Variants in PIGK observed in about 807,000 individuals in gnomAD.
PIGK encodes GPI-anchor transamidase.
Under a neutral mutation model 50.6 loss-of-function variants are expected in PIGK, and 42 were observed. The ratio of observed to expected loss-of-function variants is 0.83; its 90% CI spans 0.65 to 1.07. The LOEUF (loss-of-function observed/expected upper bound fraction) is 1.07, where lower values mean the gene tolerates loss of function less well. PIGK is among the 50% of genes least tolerant of loss of function. The probability of loss-of-function intolerance (pLI) is 0.00; values close to 1 mark genes in which losing one functional copy is unlikely to be tolerated. For synonymous variants in PIGK, 151 were observed against 156.0 expected, an observed-to-expected ratio of 0.97 and a Z score of 0.24; for missense variants, 448 against 488.7, an observed-to-expected ratio of 0.92 and a Z score of 0.78.
At position 77,169,442 on chromosome 1, in the gene PIGK, A is replaced by C. The variant is rs751914983; in HGVS notation, c.240-47T>G. The stretch of plus-strand genomic sequence containing the variant: ...AATATATAATTTAGATAAAAGGAAA[A>C]AGTTAAACACAAATTTATTTATATC... On this transcript the variant is annotated intron_variant, in intron 3 of 10. Coordinates refer to ENST00000370812, the MANE Select transcript of PIGK (RefSeq NM_005482.3). 2.8e-6 allele frequency: 4 copies of C among 1,452,712 alleles called. No homozygotes were observed. In the Admixed American group the frequency reaches 8.7e-5, roughly 32 times the overall value. 90.0% of individuals were successfully genotyped at this position (1,452,712 alleles called of 1,614,324 possible). A position where few individuals can be genotyped will look rare whatever the true frequency, so the allele number is the denominator to read the frequency against.
intron 6 of PIGK, among the ~76,000 whole-genome samples, chr1:77,163,160 C>T (rs952705768): frequency 6.6e-6 from 1 of 152,106 alleles, no homozygotes; most frequent in South Asian, 2.1e-4. Flanking sequence ...CCACACATTG[C>T]TTATGCTTTT....
chr1:77,172,670 T>C (rs987452938), intron 3 of PIGK, among the ~76,000 whole-genome samples: 1 of 152,120 alleles, frequency 6.6e-6, no homozygotes, highest in Non-Finnish European at 1.5e-5. Flanking sequence ...ACACCTGTAA[T>C]GCCAGCATGT....
chr1:77,217,511 C>G (rs1570270120), intron 1 of PIGK, among the ~76,000 whole-genome samples: 1 of 152,114 alleles, frequency 6.6e-6, no homozygotes. Flanking sequence ...GTTTGTGGGT[C>G]ATGGTGGAGA....
At chr1:77,188,134 G>A (rs975709784) in intron 3 of PIGK, among the ~76,000 whole-genome samples, 1 of 152,150 alleles carries the variant, frequency 6.6e-6, no homozygotes, top group Non-Finnish European at 1.5e-5. Flanking sequence ...CTTGAAAAAA[G>A]AACAGGATAA....
At chr1:77,219,226 G>T (rs2100593952) in intron 1 of PIGK, 84 bp downstream of exon 1, 1 of 1,131,532 alleles carries the variant, frequency 8.8e-7, no homozygotes, top group African/African-American at 1.5e-5. Flanking sequence ...TCCAGGAGGC[G>T]TCCCTCAGCT....
chr1:77,154,653 T>C (rs756309331), intron 8 of PIGK, 32 bp from the exon 9 acceptor site: 2 of 1,287,982 alleles, frequency 1.6e-6, no homozygotes, highest in South Asian at 2.5e-5. Flanking sequence ...AATGCATGCA[T>C]CCACACACAT....
At chr1:77,152,454 G>A (rs1294080538) in intron 9 of PIGK, among the ~76,000 whole-genome samples, 1 of 151,710 alleles carries the variant, frequency 6.6e-6, no homozygotes, top group African/African-American at 2.4e-5. Context: ...AAATTTTTTA[G>A]GTAAAACCTC....
chr1:77,145,071 T>C (rs576830797), intron 9 of PIGK, among the ~76,000 whole-genome samples: 1 of 152,006 alleles, frequency 6.6e-6, no homozygotes, highest in Non-Finnish European at 1.5e-5. Flanking sequence ...AGTTTTATAA[T>C]TGTATCAATT....
chr1:77,114,929 G>A (rs1000622362), intron 10 of PIGK, among the ~76,000 whole-genome samples: 16 of 152,152 alleles, frequency 1.1e-4, no homozygotes, highest in African/African-American at 3.9e-4. Context: ...AGTCAGTCCT[G>A]AGGCAGACAG....
chr1:77,201,155 A>T (rs1286719177), intron 3 of PIGK, among the ~76,000 whole-genome samples: 1 of 152,220 alleles, frequency 6.6e-6, no homozygotes, highest in Non-Finnish European at 1.5e-5. Context: ...ACATGATTTA[A>T]AAAACAACAA....
At chr1:77,196,449 A>G (rs115914811) in intron 3 of PIGK, among the ~76,000 whole-genome samples, 1 of 152,136 alleles carries the variant, frequency 6.6e-6, no homozygotes, top group African/African-American at 2.4e-5. Context: ...AACAGTGTAA[A>G]TGTGTCCCCT....
At chr1:77,160,067 G>A (rs546811046) in intron 8 of PIGK, among the ~76,000 whole-genome samples, 1 of 152,274 alleles carries the variant, frequency 6.6e-6, no homozygotes, top group Non-Finnish European at 1.5e-5. Flanking sequence ...GGGACTTGGT[G>A]GGAGGTAATT....
chr1:77,110,475 T>C (rs961772148), intron 10 of PIGK, among the ~76,000 whole-genome samples: 12 of 152,164 alleles, frequency 7.9e-5, no homozygotes, highest in African/African-American at 2.9e-4. Flanking sequence ...AACCATCTGA[T>C]CTTTGACAAA....
At chr1:77,197,423 A>C (rs1656061382) in intron 3 of PIGK, among the ~76,000 whole-genome samples, 2 of 152,328 alleles carry the variant, frequency 1.3e-5, no homozygotes, top group Non-Finnish European at 2.9e-5. Flanking sequence ...AATAGGTAGA[A>C]CTTCAGGTGA....
chr1:77,149,488 C>A (rs2100548146), intron 9 of PIGK, among the ~76,000 whole-genome samples: 1 of 151,832 alleles, frequency 6.6e-6, no homozygotes. Context: ...AGTCAAAAAC[C>A]ATAAAAAGAA....
At chr1:77,106,322 T>C (rs1436188416) in intron 10 of PIGK, among the ~76,000 whole-genome samples, 1 of 152,174 alleles carries the variant, frequency 6.6e-6, no homozygotes, top group Non-Finnish European at 1.5e-5. Flanking sequence ...ATACATAGGC[T>C]GAAGAACAAA....
Position 77,091,000 on chromosome 1 carries a change from A to G in PIGK, c.*1374T>C, listed in dbSNP as rs982910074. 2 of 152,200 alleles carry G rather than the reference A, an allele frequency of 1.3e-5. No homozygotes were observed. Among genetic ancestry groups the G allele is most frequent in the African/African-American group, 4.8e-5 (2 of 41,442 alleles). The allele number at this position is 152,200 out of a possible 1,614,324, so 9.4% of individuals were successfully genotyped here. On this transcript the variant is annotated 3_prime_UTR_variant, in exon 11 of 11. Transcript: ENST00000370812. Reference sequence around the variant, plus strand: ...ATTATAAGTGCAAAAGGAAAAACAAATCTTAAGGAATATTAATTTTAGGAG... The same window carrying G: ...ATTATAAGTGCAAAAGGAAAAACAAGTCTTAAGGAATATTAATTTTAGGAG...
At chr1:77,129,357 C>T (rs370921405) in intron 9 of PIGK, 6 of 1,574,450 alleles carry the variant, frequency 3.8e-6, no homozygotes. Flanking sequence ...GACACAAGGT[C>T]GGTGGCCCAA....
intron 1 of PIGK, among the ~76,000 whole-genome samples, 154 bp downstream of exon 1, chr1:77,219,156 T>A (rs1370428864): frequency 6.6e-6 from 1 of 152,188 alleles, no homozygotes; most frequent in Non-Finnish European, 1.5e-5. Context: ...ACCAACAGTG[T>A]CCTAACCCGT....
Sources: gnomAD v4.1 joint callset for allele counts (sites outside exome capture counted in the v4.1 genomes callset) on GRCh38, gnomAD v4.1.1 for gene constraint, MANE v1.5 for transcripts, NCBI Gene and HGNC (gene_info 2026-07-23, HGNC 2026-07-21) for gene names.